The following SAMD12 variants were observed in gnomAD, a reference collection of about 807,000 sequenced individuals.
SAMD12 encodes the protein sterile alpha motif domain containing 12, also known as sterile alpha motif domain-containing protein 12.
Under a neutral mutation model 15.0 loss-of-function variants are expected in SAMD12, and 9 were observed. That is an observed-to-expected ratio of 0.60 (90% CI 0.36 to 1.05). SAMD12 has a LOEUF of 1.05. Among genes scored for constraint, SAMD12 ranks in the 50% least tolerant of loss-of-function variants. The pLI, the probability that SAMD12 is intolerant of heterozygous loss-of-function variation, is 0.01. For synonymous variants in SAMD12, 86 were observed against 90.1 expected, an observed-to-expected ratio of 0.96 and a Z score of 0.25; for missense variants, 230 against 234.2, an observed-to-expected ratio of 0.98 and a Z score of 0.12.
At chr8:118,478,872 C>T (rs1824042124) in intron 2 of SAMD12, among the ~76,000 whole-genome samples, 1 of 152,194 alleles carries the variant, frequency 6.6e-6, no homozygotes, top group Non-Finnish European at 1.5e-5. Context: ...CATTATTTGA[C>T]ATTAAGCTAC....
intron 2 of SAMD12, among the ~76,000 whole-genome samples, chr8:118,448,623 G>T (rs1268703073): frequency 2.6e-5 from 4 of 152,314 alleles, no homozygotes; most frequent in East Asian, 1.9e-4. Context: ...CCTTTCCTCC[G>T]ATTAGATTTC....
At chr8:118,218,513 C>T (rs1422746341) in intron 4 of SAMD12, among the ~76,000 whole-genome samples, 1 of 152,084 alleles carries the variant, frequency 6.6e-6, no homozygotes, top group Non-Finnish European at 1.5e-5. Flanking sequence ...CTTTGACCAA[C>T]ATCTCCCCAC....
chr8:118,554,387 C>T (rs1287428659), intron 2 of SAMD12, among the ~76,000 whole-genome samples: 1 of 151,944 alleles, frequency 6.6e-6, no homozygotes, highest in Admixed American at 6.6e-5. Context: ...TTTGTAGGGA[C>T]ATGGATGAAA....
the SAMD12 span, among the ~76,000 whole-genome samples, chr8:118,163,024 A>G: frequency 2.0e-5 from 3 of 152,202 alleles, no homozygotes; most frequent in Non-Finnish European, 4.4e-5. Flanking sequence ...TAAGTATTGC[A>G]TGGATTTGAA....
chr8:118,605,237 G>A (rs1001685795), intron 1 of SAMD12, among the ~76,000 whole-genome samples: 3 of 152,148 alleles, frequency 2.0e-5, no homozygotes, highest in Admixed American at 1.3e-4. Context: ...GTAATTTGTT[G>A]CTTTCTCAAG....
chr8:118,399,876 C>A (rs2130783306), intron 3 of SAMD12, among the ~76,000 whole-genome samples: 1 of 152,196 alleles, frequency 6.6e-6, no homozygotes, highest in East Asian at 1.9e-4. Context: ...TTCACTATAC[C>A]CTTTAGCAGG....
chr8:118,328,295 T>G (rs1261884683), intron 4 of SAMD12, among the ~76,000 whole-genome samples: 1 of 152,174 alleles, frequency 6.6e-6, no homozygotes, highest in Non-Finnish European at 1.5e-5. Flanking sequence ...TTATTTCTAG[T>G]CTCTGGGCTC....
intron 3 of SAMD12, among the ~76,000 whole-genome samples, chr8:118,386,330 C>T (rs375962551): frequency 6.6e-6 from 1 of 152,144 alleles, no homozygotes; most frequent in African/African-American, 2.4e-5. Flanking sequence ...CAAATCTCTG[C>T]CTCCATTCTC....
At chr8:118,151,918 T>A in the SAMD12 span, among the ~76,000 whole-genome samples, 111,124 of 151,424 alleles carry the variant, frequency 0.73, 42,219 homozygotes, top group Non-Finnish European at 0.84. Context: ...AGTGCTGGGA[T>A]ATCCAAGTGG....
chr8:118,352,634 T>C (rs1217376094), intron 4 of SAMD12, among the ~76,000 whole-genome samples: 1 of 152,212 alleles, frequency 6.6e-6, no homozygotes, highest in Admixed American at 6.5e-5. Context: ...GGTGGGGATC[T>C]GAATTAACTA....
rs16891042 is a variant in SAMD12, at chr8:118,444,907, C to G, written c.193-4946G>C. 6.0e-3 allele frequency among the ~76,000 whole-genome samples: 915 copies of G among 152,206 alleles called. 9 individuals are homozygous for G. Among genetic ancestry groups the G allele is most frequent in the African/African-American group, 0.021 (874 of 41,532 alleles). ...TTGTACAAACTCTTAACTAGGTGAG[C>G]CCAGTTGGTTGATTATCAAAAAATA... On this transcript the variant is annotated intron_variant, in intron 2 of 3. Coordinates refer to ENST00000314727, the MANE Select transcript of SAMD12 (RefSeq NM_207506.3).
chr8:118,596,956 T>C (rs368064033), intron 1 of SAMD12, among the ~76,000 whole-genome samples: 89 of 152,208 alleles, frequency 5.8e-4, no homozygotes, highest in African/African-American at 2.0e-3. Context: ...CCACCTAGTA[T>C]AGGGGTCTAG....
intron 1 of SAMD12, among the ~76,000 whole-genome samples, chr8:118,614,933 T>C (rs1447743714): frequency 6.6e-6 from 1 of 152,202 alleles, no homozygotes; most frequent in South Asian, 2.1e-4. Flanking sequence ...AGGAATCAAC[T>C]TGATTTACAA....
chr8:118,390,574 C>G (rs754716542), intron 3 of SAMD12, among the ~76,000 whole-genome samples: 1 of 152,146 alleles, frequency 6.6e-6, no homozygotes, highest in South Asian at 2.1e-4. Flanking sequence ...AAGGTGACTA[C>G]GAATCACCCA....
intron 2 of SAMD12, among the ~76,000 whole-genome samples, chr8:118,470,137 A>C (rs1823750536): frequency 6.6e-6 from 1 of 152,182 alleles, no homozygotes; most frequent in Non-Finnish European, 1.5e-5. Flanking sequence ...ACCAAGATAT[A>C]GTGTGAGAAA....
intron 1 of SAMD12, among the ~76,000 whole-genome samples, chr8:118,602,432 T>C (rs1235163224): frequency 6.6e-6 from 1 of 152,180 alleles, no homozygotes; most frequent in Non-Finnish European, 1.5e-5. Context: ...AAAACTACAA[T>C]TATAGAAGGG....
chr8:118,616,139 T>G (rs1329346219), intron 1 of SAMD12, among the ~76,000 whole-genome samples: 1 of 151,686 alleles, frequency 6.6e-6, no homozygotes, highest in Non-Finnish European at 1.5e-5. Context: ...AATCAGGGAG[T>G]AATTAGTTTA....
intron 4 of SAMD12, among the ~76,000 whole-genome samples, chr8:118,219,972 CAG>C (rs1376503615): frequency 6.6e-6 from 1 of 152,226 alleles, no homozygotes; most frequent in African/African-American, 2.4e-5. Context: ...ATGGATGAAA[CAG>C]AATTTATCCC....
intron 2 of SAMD12, among the ~76,000 whole-genome samples, chr8:118,509,576 G>C (rs1375035306): frequency 6.6e-6 from 1 of 152,078 alleles, no homozygotes; most frequent in Non-Finnish European, 1.5e-5. Context: ...TATATGATTT[G>C]CTAAAATCCT....
Sources: allele counts gnomAD v4.1 joint callset (sites outside exome capture counted in the v4.1 genomes callset), GRCh38; gene constraint gnomAD v4.1.1; transcripts MANE v1.5; gene names NCBI Gene and HGNC (gene_info 2026-07-23, HGNC 2026-07-21).